The following SAMSN1 variants were observed in gnomAD, a reference collection of about 807,000 sequenced individuals.
SAMSN1 encodes SAM domain, SH3 domain and nuclear localization signals 1.
Under a neutral mutation model 42.0 loss-of-function variants are expected in SAMSN1, and 31 were observed. That is an observed-to-expected ratio of 0.74 (90% confidence interval 0.55 to 1.00). The LOEUF (loss-of-function observed/expected upper bound fraction) is 1.00, where lower values mean the gene tolerates loss of function less well. SAMSN1 is among the 50% of genes least tolerant of loss of function. SAMSN1 has a pLI of 0.00. For missense variants in SAMSN1, 464 were observed against 439.4 expected, an observed-to-expected ratio of 1.06 and a Z score of -0.50; for synonymous variants, 178 against 151.9, an observed-to-expected ratio of 1.17 and a Z score of -1.26.
At chr21:14,644,552 C>T (rs999701294) in intron 1 of SAMSN1, among the ~76,000 whole-genome samples, 4 of 152,084 alleles carry the variant, frequency 2.6e-5, no homozygotes, top group Non-Finnish European at 5.9e-5. Flanking sequence ...CTTGGGAAAG[C>T]CTCTGAGACT....
chr21:14,642,855 C>G (rs1983627340), intron 2 of SAMSN1: 1 of 558,972 alleles, frequency 1.8e-6, no homozygotes, highest in Admixed American at 3.1e-5. Context: ...AAAAAGACAA[C>G]AAGAAAGAGA....
At chr21:14,549,723 C>T (rs1436807699), upstream of SAMSN1, among the ~76,000 whole-genome samples, 1 of 152,038 alleles carries the variant, frequency 6.6e-6, no homozygotes, top group Non-Finnish European at 1.5e-5. Context: ...TCCATTCAAA[C>T]CTGCAGAATT....
intron 2 of SAMSN1, among the ~76,000 whole-genome samples, chr21:14,578,263 G>A (rs1232480513): frequency 1.3e-5 from 2 of 152,056 alleles, no homozygotes; most frequent in South Asian, 2.1e-4. Flanking sequence ...GGTGAAAGAG[G>A]GTAAGGAGTT....
chr21:14,620,288 G>A (rs1264516056), intron 2 of SAMSN1, among the ~76,000 whole-genome samples: 1 of 152,132 alleles, frequency 6.6e-6, no homozygotes, highest in African/African-American at 2.4e-5. Context: ...GGTCATGGGG[G>A]TGGTTTTCCC....
chr21:14,585,845 A>G (rs536357870), upstream of SAMSN1, among the ~76,000 whole-genome samples: 1 of 152,320 alleles, frequency 6.6e-6, no homozygotes, highest in African/African-American at 2.4e-5. Context: ...TCTAGTAGCA[A>G]ATTATTTCTG....
At chr21:14,658,281 T>G (rs577652970) in intron 1 of SAMSN1, among the ~76,000 whole-genome samples, 9 of 151,856 alleles carry the variant, frequency 5.9e-5, no homozygotes, top group African/African-American at 1.7e-4. Flanking sequence ...GCATTTACAG[T>G]GTGGTGCAAC....
At chr21:14,548,351 G>A (rs932983684), upstream of SAMSN1, among the ~76,000 whole-genome samples, 1 of 152,096 alleles carries the variant, frequency 6.6e-6, no homozygotes, top group African/African-American at 2.4e-5. Context: ...AAGGCATGAA[G>A]TTTCAGTTTG....
intron 6 of SAMSN1, among the ~76,000 whole-genome samples, chr21:14,597,285 G>A (rs1032095471): frequency 6.6e-6 from 1 of 152,012 alleles, no homozygotes; most frequent in Non-Finnish European, 1.5e-5. Context: ...CCTCAGTTAA[G>A]CTCATGAAAA....
At chr21:14,644,984 G>T (rs1403738934) in intron 1 of SAMSN1, among the ~76,000 whole-genome samples, 2 of 152,146 alleles carry the variant, frequency 1.3e-5, no homozygotes, top group Non-Finnish European at 2.9e-5. Context: ...TTGAGTGCCA[G>T]CTCAGCTGTA....
At chr21:14,563,194 C>T (rs1981001588) in intron 2 of SAMSN1, among the ~76,000 whole-genome samples, 1 of 152,066 alleles carries the variant, frequency 6.6e-6, no homozygotes, top group Non-Finnish European at 1.5e-5. Context: ...CATGTCTTTG[C>T]ATATATGAGT....
rs183090858 is a variant in SAMSN1 at position 14,623,505 on chromosome 21, A to C, written c.157-7489T>G. ...TCTCTGATAAAACAGACTTTAAGCCAACAAAGATCGAAAGAGACAAAGAAG... is the reference window on the plus strand; with the variant it reads ...TCTCTGATAAAACAGACTTTAAGCCCACAAAGATCGAAAGAGACAAAGAAG... On this transcript the variant is annotated intron_variant, in intron 2 of 15. Transcript: ENST00000647101. Among the ~76,000 whole-genome samples the C allele has an allele frequency of 5.3e-5, 8 of 152,358 alleles. No homozygotes were observed. In the East Asian group the frequency reaches 1.3e-3, roughly 26 times the overall value.
intron 2 of SAMSN1, among the ~76,000 whole-genome samples, chr21:14,556,842 T>C (rs755770142): frequency 4.1e-4 from 63 of 152,328 alleles, no homozygotes; most frequent in Admixed American, 2.9e-3. Context: ...AGAAAACTTT[T>C]CCATAACATT....
At chr21:14,535,724 C>A (rs1600907438) in intron 1 of SAMSN1, among the ~76,000 whole-genome samples, 1 of 152,260 alleles carries the variant, frequency 6.6e-6, no homozygotes, top group African/African-American at 2.4e-5. Context: ...CACACAGACA[C>A]AGATGAAGAG....
intron 2 of SAMSN1, among the ~76,000 whole-genome samples, chr21:14,623,520 A>G (rs1983074597): frequency 6.6e-6 from 1 of 152,246 alleles, no homozygotes; most frequent in Non-Finnish European, 1.5e-5. Flanking sequence ...AGATCGAAAG[A>G]GACAAAGAAG....
At chr21:14,639,367 A>C (rs1303568152) in intron 2 of SAMSN1, among the ~76,000 whole-genome samples, 1 of 152,190 alleles carries the variant, frequency 6.6e-6, no homozygotes, top group Non-Finnish European at 1.5e-5. Flanking sequence ...GTGTCACTCC[A>C]TGGCAGAAAG....
chr21:14,559,118 T>C (rs1600929751), intron 2 of SAMSN1, among the ~76,000 whole-genome samples: 1 of 152,196 alleles, frequency 6.6e-6, no homozygotes, highest in Admixed American at 6.5e-5. Context: ...TTTGTGCAGA[T>C]AGTGTGTTAG....
chr21:14,546,339 C>G, upstream of SAMSN1: 1 of 1,587,804 alleles, frequency 6.3e-7, no homozygotes, highest in Non-Finnish European at 8.6e-7. Context: ...AGTGTGCTGT[C>G]TAATGCACAG....
At chr21:14,511,956 A>G (rs1402823087) in intron 4 of SAMSN1, among the ~76,000 whole-genome samples, 1 of 152,128 alleles carries the variant, frequency 6.6e-6, no homozygotes, top group Non-Finnish European at 1.5e-5. Flanking sequence ...ATTGATGCAA[A>G]TGTGCTACAT....
intron 3 of SAMSN1, among the ~76,000 whole-genome samples, chr21:14,615,641 T>A (rs1453648006): frequency 6.6e-6 from 1 of 152,130 alleles, no homozygotes; most frequent in Non-Finnish European, 1.5e-5. Flanking sequence ...TTTATGTGGA[T>A]TAGAAAAATA....
Sources: gnomAD v4.1 joint callset for allele counts (sites outside exome capture counted in the v4.1 genomes callset) on GRCh38, gnomAD v4.1.1 for gene constraint, MANE v1.5 for transcripts, NCBI Gene and HGNC (gene_info 2026-07-23, HGNC 2026-07-21) for gene names.